RERE: variants seen among roughly 807,000 people sequenced by gnomAD.
RERE encodes the protein arginine-glutamic acid dipeptide repeats protein.
RERE carries 40 observed loss-of-function variants against 146.1 expected under a neutral mutation model. The ratio of observed to expected loss-of-function variants is 0.27; its 90% CI spans 0.21 to 0.36. RERE has a LOEUF of 0.36. RERE is among the 10% of genes least tolerant of loss of function. RERE has a pLI of 1.00. For missense variants in RERE, 1,933 were observed against 2,138.7 expected (o/e 0.90, Z 1.90); for synonymous variants, 1,003 against 866.0 (o/e 1.16, Z -2.78).
chr1:8,816,905 G>T (rs1641922940), intron 1 of RERE, among the ~76,000 whole-genome samples: 1 of 152,114 alleles, frequency 6.6e-6, no homozygotes, highest in African/African-American at 2.4e-5. Context: ...CAAACAAGTA[G>T]AACAAGAGCA....
rs561226488 is a variant in RERE, at chr1:8,765,970, G to A, written c.-145+51190C>T. ...CGTCTCAAAAAAAAAAAAATTAGCC[G>A]AGTGTGCTGGTGCATGCCTGTAATC... On this transcript the variant is annotated intron_variant, in intron 1 of 22. Transcript: ENST00000400908. Among the ~76,000 whole-genome samples, 450 of 151,642 alleles carry A rather than the reference G, an allele frequency of 3.0e-3. 3 individuals are homozygous for A. The highest frequency in any genetic ancestry group is 0.01 in the African/African-American group (423 of 41,348).
chr1:8,732,282 T>C (rs879455401), intron 1 of RERE, among the ~76,000 whole-genome samples: 6 of 152,194 alleles, frequency 3.9e-5, no homozygotes, highest in Admixed American at 2.6e-4. Flanking sequence ...TGAATAGATA[T>C]GCGAACTGTG....
At chr1:8,744,561 C>T (rs1640381972) in intron 1 of RERE, among the ~76,000 whole-genome samples, 1 of 152,140 alleles carries the variant, frequency 6.6e-6, no homozygotes, top group Non-Finnish European at 1.5e-5. Flanking sequence ...AAAAAGTATA[C>T]CAACCAGTGT....
intron 1 of RERE, among the ~76,000 whole-genome samples, chr1:8,677,635 A>T (rs1188549707): frequency 1.3e-5 from 2 of 152,048 alleles, no homozygotes; most frequent in Non-Finnish European, 2.9e-5. Context: ...CCTTCTCTGT[A>T]GGGCTCCACT....
At chr1:8,413,542 CCAT>C (rs1643673513) in intron 12 of RERE, among the ~76,000 whole-genome samples, 1 of 151,428 alleles carries the variant, frequency 6.6e-6, no homozygotes, top group African/African-American at 2.4e-5. Flanking sequence ...TGGGGTTTCA[CCAT>C]GTTGCCTAGG....
At chr1:8,636,075 G>C (rs965397883) in intron 2 of RERE, among the ~76,000 whole-genome samples, 3 of 151,956 alleles carry the variant, frequency 2.0e-5, no homozygotes, top group Admixed American at 1.3e-4. Context: ...CGCAACCTCC[G>C]CCTCCCAGGT....
At chr1:8,732,305 CAATAAAA>C (rs1640102979) in intron 1 of RERE, among the ~76,000 whole-genome samples, 1 of 152,010 alleles carries the variant, frequency 6.6e-6, no homozygotes. Context: ...GTTCACTGAG[CAATAAAA>C]AGAAATGAGC....
intron 12 of RERE, among the ~76,000 whole-genome samples, chr1:8,380,094 C>G (rs1375750936): frequency 6.6e-6 from 1 of 152,136 alleles, no homozygotes; most frequent in Non-Finnish European, 1.5e-5. Flanking sequence ...CACTGTGCTC[C>G]CAGAACATAC....
At chr1:8,765,137 T>C (rs553008937) in intron 1 of RERE, among the ~76,000 whole-genome samples, 2 of 152,314 alleles carry the variant, frequency 1.3e-5, no homozygotes, top group South Asian at 2.1e-4. Flanking sequence ...AAATGTGGCA[T>C]AGCCACACAA....
chr1:8,399,814 A>G (rs1643186410), intron 12 of RERE, among the ~76,000 whole-genome samples: 1 of 151,950 alleles, frequency 6.6e-6, no homozygotes, highest in Non-Finnish European at 1.5e-5. Flanking sequence ...TTTAAAAAAA[A>G]AAATAAAGAA....
intron 12 of RERE, among the ~76,000 whole-genome samples, chr1:8,386,019 T>TAA (rs1642662573): frequency 2.5e-5 from 1 of 39,844 alleles, no homozygotes; most frequent in Non-Finnish European, 4.3e-5. Flanking sequence ...TATATATATA[T>TAA]ATATTTTTTT....
At position 8,362,803 on chromosome 1, in the gene RERE, G is replaced by A. The variant is rs1420027492; in HGVS notation, c.1782C>T (p.Ser594=). ...LRSGRKKQPA[S]PDGRTSPINE... is the part of the protein sequence containing the mutation. The stretch of plus-strand genomic sequence containing the variant: ...TGATGGGTGAGGTGCGACCATCAGG[G>A]CTGGCTGGCTGCTTCTTCCGACCAC... Residue 594 remains serine, a synonymous_variant, in exon 16 of 23, where the codon AGC becomes AGT. Transcript: ENST00000400908. The A allele has an allele frequency of 1.9e-6, 3 of 1,613,998 alleles. No homozygotes were observed. Among genetic ancestry groups the A allele is most frequent in the Non-Finnish European group, 2.5e-6 (3 of 1,180,034 alleles).
In RERE at chr1:8,364,909, G is replaced by C. The variant is rs563203394; in HGVS notation, c.1448-71C>G. 4.0e-6 allele frequency: 3 copies of C among 757,352 alleles called. No homozygotes were observed. In the African/African-American group the frequency reaches 5.5e-5, roughly 14 times the overall value. The allele number at this position is 757,352 out of a possible 1,614,324, so 46.9% of individuals were successfully genotyped here. A position where few individuals can be genotyped will look rare whatever the true frequency, so the allele number is the denominator to read the frequency against. ...GCTCAGCCAAGGCTGGGCCGGTGGGGTGGGGGGGAGGGGGGAACACCTGTG... is the reference window on the plus strand; with the variant it reads ...GCTCAGCCAAGGCTGGGCCGGTGGGCTGGGGGGGAGGGGGGAACACCTGTG... On this transcript the variant is annotated intron_variant, in intron 13 of 22. Coordinates refer to ENST00000400908, the MANE Select transcript of RERE (RefSeq NM_001042681.2). The surrounding 1 kb of genome is among the most constrained non-coding windows in gnomAD (Gnocchi z 5.1).
In RERE at chr1:8,360,132, A is replaced by G. The variant is rs1015053626; in HGVS notation, c.3375T>C (p.Ser1125=). Residue 1125 remains serine (S), a synonymous_variant, in exon 18 of 23, where the codon AGT becomes AGC. Transcript: ENST00000400908. ...CGTACCTAGCTGACTGGCTGGCGTG[A>G]CTGGGGGTGTCCACCACAGTGGGCT... ...SPEPTVVDTP[S]HASQSARFYK... The G allele has an allele frequency of 1.3e-6, 2 of 1,584,230 alleles. No homozygotes were observed. Among genetic ancestry groups the G allele is most frequent in the African/African-American group, 1.3e-5 (1 of 74,288 alleles).
At chr1:8,452,874 T>C (rs371508874) in intron 11 of RERE, among the ~76,000 whole-genome samples, 3 of 152,338 alleles carry the variant, frequency 2.0e-5, no homozygotes, top group Admixed American at 6.5e-5. Context: ...TCAGGCTCAG[T>C]AGAGTGCACC....
chr1:8,511,762 C>T (rs966742597), intron 7 of RERE: 17 of 151,952 alleles, frequency 1.1e-4, no homozygotes, highest in African/African-American at 4.1e-4. Context: ...CACTGCTCTC[C>T]TCTCTTTTTT....
At chr1:8,605,129 T>C (rs966193235) in intron 4 of RERE, among the ~76,000 whole-genome samples, 2 of 152,116 alleles carry the variant, frequency 1.3e-5, no homozygotes, top group African/African-American at 4.8e-5. Flanking sequence ...ATCAACTCTT[T>C]CCCAACTTTT....
intron 1 of RERE, among the ~76,000 whole-genome samples, chr1:8,706,778 TG>T (rs1441923946): frequency 3.3e-5 from 5 of 152,162 alleles, no homozygotes; most frequent in African/African-American, 1.2e-4. Context: ...AGGAACTCAA[TG>T]GTGGGTGTAC....
At chr1:8,699,855 C>G (rs1466755006) in intron 1 of RERE, among the ~76,000 whole-genome samples, 1 of 152,138 alleles carries the variant, frequency 6.6e-6, no homozygotes, top group East Asian at 1.9e-4. Context: ...TACCCAGCCA[C>G]CCCCACGAGA....
Sources: allele counts gnomAD v4.1 joint callset (sites outside exome capture counted in the v4.1 genomes callset), GRCh38; gene constraint gnomAD v4.1.1; non-coding constraint Gnocchi (gnomAD v3.1); transcripts MANE v1.5; gene names NCBI Gene and HGNC (gene_info 2026-07-23, HGNC 2026-07-21).